FRMPD4: variants seen among roughly 807,000 people sequenced by gnomAD.
FRMPD4 encodes the protein FERM and PDZ domain-containing protein 4.
A neutral mutation model predicts 94.1 loss-of-function variants in FRMPD4; 22 were observed. That is an observed-to-expected ratio of 0.23 (90% confidence interval 0.17 to 0.33). FRMPD4 has a LOEUF of 0.33. Ranked by LOEUF, FRMPD4 falls within the 10% of genes least tolerant of loss-of-function variation. FRMPD4 has a pLI of 1.00. For synonymous variants in FRMPD4, 631 were observed against 548.6 expected (o/e 1.15, Z -2.10); for missense variants, 1,111 against 1,339.9 (o/e 0.83, Z 2.67).
chrX:12,290,847 C>T (rs1226436410), intron 1 of FRMPD4, among the ~76,000 whole-genome samples: 1 of 86,402 alleles, frequency 1.2e-5, no homozygotes, highest in African/African-American at 4.6e-5. Context: ...TTATATTTTA[C>T]AGAAACATGG....
At chrX:12,434,035 A>C in intron 1 of FRMPD4, among the ~76,000 whole-genome samples, 1 of 111,646 alleles carries the variant, frequency 9.0e-6, no homozygotes, top group East Asian at 2.8e-4. Context: ...GAGAAGAGAG[A>C]GCCTGTAGGA....
At chrX:12,344,856 A>G (rs1043568434) in intron 1 of FRMPD4, among the ~76,000 whole-genome samples, 2 of 111,627 alleles carry the variant, frequency 1.8e-5, no homozygotes, top group African/African-American at 6.5e-5. Flanking sequence ...GGGAGGGGGG[A>G]TAAATCTAAC....
intron 3 of FRMPD4, among the ~76,000 whole-genome samples, chrX:12,066,711 TA>T (rs1002182986): frequency 3.7e-5 from 4 of 108,253 alleles, no homozygotes; most frequent in Non-Finnish European, 3.8e-5. Context: ...ATAGGTTTTC[TA>T]AAAAAAAATC....
At chrX:12,419,309 C>T (rs909137750) in intron 1 of FRMPD4, among the ~76,000 whole-genome samples, 3 of 111,269 alleles carry the variant, frequency 2.7e-5, no homozygotes, top group African/African-American at 6.5e-5. Flanking sequence ...ATCCAGAAGC[C>T]GATAGAAAAA....
chrX:12,538,003 G>C (rs1212902675), intron 2 of FRMPD4, among the ~76,000 whole-genome samples: 2 of 110,741 alleles, frequency 1.8e-5, no homozygotes, highest in Non-Finnish European at 3.8e-5. Context: ...GGGCTTGTTG[G>C]AGAGCGAGTG....
chrX:12,524,807 G>A (rs1474197766), intron 2 of FRMPD4, among the ~76,000 whole-genome samples: 1 of 111,409 alleles, frequency 9.0e-6, no homozygotes. Flanking sequence ...AACCTGCATT[G>A]AGAAATGGAT....
chrX:12,506,377 G>A (rs1425727204), intron 2 of FRMPD4, among the ~76,000 whole-genome samples: 5 of 110,980 alleles, frequency 4.5e-5, no homozygotes, highest in East Asian at 5.6e-4. Context: ...CAACCTCCGC[G>A]TCCTGGGTTG....
intron 1 of FRMPD4, among the ~76,000 whole-genome samples, chrX:12,211,065 G>T (rs949209070): frequency 8.9e-6 from 1 of 112,099 alleles, no homozygotes; most frequent in African/African-American, 3.2e-5. Context: ...TTTATTTTAC[G>T]ATCTCAGTAA....
intron 1 of FRMPD4, among the ~76,000 whole-genome samples, chrX:11,865,072 C>G (rs1373657920): frequency 1.8e-5 from 2 of 111,665 alleles, no homozygotes; most frequent in African/African-American, 6.5e-5. Flanking sequence ...AACCAGGTAT[C>G]ATTTTTCTTG....
At chrX:12,058,079 G>C (rs2054864605) in intron 3 of FRMPD4, among the ~76,000 whole-genome samples, 1 of 111,394 alleles carries the variant, frequency 9.0e-6, no homozygotes. Context: ...TAATTTTTAG[G>C]GGAAAATTAA....
At chrX:12,392,203 G>A (rs1343000985) in intron 1 of FRMPD4, among the ~76,000 whole-genome samples, 1 of 107,088 alleles carries the variant, frequency 9.3e-6, no homozygotes, top group Non-Finnish European at 1.9e-5. Flanking sequence ...ACCATGCCTG[G>A]CTAATTTTTG....
At chrX:12,067,010 C>T (rs111388946) in intron 3 of FRMPD4, among the ~76,000 whole-genome samples, 1 of 109,735 alleles carries the variant, frequency 9.1e-6, no homozygotes, top group Non-Finnish European at 1.9e-5. Context: ...GCTGGGACTA[C>T]AAGCGTGCAC....
intron 1 of FRMPD4, among the ~76,000 whole-genome samples, chrX:12,166,220 A>G (rs1200949838): frequency 1.8e-5 from 2 of 112,026 alleles, no homozygotes; most frequent in Non-Finnish European, 3.8e-5. Context: ...TTTGAGATAC[A>G]TTCCATCAAT....
intron 3 of FRMPD4, among the ~76,000 whole-genome samples, chrX:12,105,071 T>C (rs1278931293): frequency 1.8e-5 from 2 of 111,742 alleles, no homozygotes; most frequent in African/African-American, 6.5e-5. Context: ...TGCATAGTTA[T>C]CAGTATGCTG....
intron 1 of FRMPD4, among the ~76,000 whole-genome samples, chrX:12,205,359 T>TA (rs1213580205): frequency 2.7e-5 from 3 of 112,003 alleles, no homozygotes; most frequent in Non-Finnish European, 3.8e-5. Context: ...AAATATATAC[T>TA]AAAAAATTTT....
In FRMPD4 at chrX:12,384,965, A is replaced by C. The variant is rs181933059; in HGVS notation, c.42-113715A>C. 4.3e-3 allele frequency among the ~76,000 whole-genome samples: 483 copies of C among 112,202 alleles called. 2 individuals are homozygous for C. The highest frequency in any genetic ancestry group is 0.015 in the African/African-American group (466 of 30,956). On this transcript the variant is annotated intron_variant, in intron 1 of 16. Transcript: ENST00000675598. ...TGTCCCACTTCTTCCAACCTATCTA[A>C]TTGATAGAAATTAAGCAGCAGGCCT...
intron 2 of FRMPD4, 47 bp downstream of exon 2, chrX:12,498,843 CTTCT>C (rs1199217739): frequency 1.7e-5 from 11 of 661,375 alleles, no homozygotes; most frequent in Non-Finnish European, 2.1e-5. Flanking sequence ...GGCCAATGGA[CTTCT>C]TTATCTTTGT....
At chrX:12,538,344 T>G (rs751341083) in intron 2 of FRMPD4, among the ~76,000 whole-genome samples, 438 of 55,112 alleles carry the variant, frequency 7.9e-3, no homozygotes, top group Non-Finnish European at 0.018. Context: ...TCGAAATGGG[T>G]GGAGCCCACC....
chrX:12,451,194 C>CCTCTT (rs1229909667), intron 1 of FRMPD4, among the ~76,000 whole-genome samples: 1 of 111,273 alleles, frequency 9.0e-6, no homozygotes, highest in Admixed American at 9.6e-5. Context: ...GCTCGGATTC[C>CCTCTT]CTCTTCTCAT....
Sources: allele counts gnomAD v4.1 joint callset (sites outside exome capture counted in the v4.1 genomes callset), GRCh38; gene constraint gnomAD v4.1.1; transcripts MANE v1.5; gene names NCBI Gene and HGNC (gene_info 2026-07-23, HGNC 2026-07-21).